PHF19: variants seen among roughly 807,000 people sequenced by gnomAD.
PHF19 encodes the protein polycomb like 3.
A neutral mutation model predicts 79.8 loss-of-function variants in PHF19; 21 were observed. The ratio of observed to expected loss-of-function variants is 0.26; its 90% confidence interval spans 0.19 to 0.38. The LOEUF is 0.38. Ranked by LOEUF, PHF19 falls within the 10% of genes least tolerant of loss-of-function variation. The pLI, the probability that PHF19 is intolerant of heterozygous loss-of-function variation, is 1.00. For missense variants in PHF19, 445 were observed against 744.2 expected (o/e 0.60, Z 4.68); for synonymous variants, 273 against 296.3 (o/e 0.92, Z 0.81).
At position 120,860,855 on chromosome 9, in the gene PHF19, G is replaced by C; in HGVS notation, c.1304+234C>G. On this transcript the variant is annotated intron_variant, in intron 13 of 14. Transcript: ENST00000373896. This position sits in a 1 kb window ranked among gnomAD's most constrained non-coding sequence, Gnocchi z 4.1. ...GAGCAATACGAGCAAAGATGAGCAA[G>C]CATCAAACAGCATGGTGAGTGTGGA... 2.1e-6 allele frequency: 1 copy of C among 485,846 alleles called. No homozygotes were observed. The highest frequency in any genetic ancestry group is 3.8e-6 in the Non-Finnish European group (1 of 263,628). The allele number at this position is 485,846 out of a possible 1,614,324, so 30.1% of individuals were successfully genotyped here. A position where few individuals can be genotyped will look rare whatever the true frequency, so the allele number is the denominator to read the frequency against.
intron 1 of PHF19, among the ~76,000 whole-genome samples, chr9:120,892,797 C>T (rs2046359733): frequency 6.6e-6 from 1 of 151,950 alleles, no homozygotes; most frequent in Admixed American, 6.6e-5. Context: ...TAAATAAGCC[C>T]ATAAAAATAG....
At chr9:120,864,252 C>A in intron 9 of PHF19, 136 bp from the exon 10 acceptor site, 1 of 702,956 alleles carries the variant, frequency 1.4e-6, no homozygotes, top group Non-Finnish European at 2.5e-6. Flanking sequence ...ACTCCAGGAT[C>A]TCAGAAAAGC....
In PHF19 at chr9:120,864,092, G is replaced by C. The variant is rs760607510; in HGVS notation, c.925C>G (p.Arg309Gly). ...GKLTSTPVTD[R>G]GPHLLNALNS... Reference sequence around the variant, plus strand: ...AGAGCGTTGAGGAGATGTGGTCCTCGATCTGTCACTGGGGTGCTGGTGAGC... The same window carrying C: ...AGAGCGTTGAGGAGATGTGGTCCTCCATCTGTCACTGGGGTGCTGGTGAGC... The change falls in exon 10 of 15, where the codon CGA becomes GGA. Residue 309 changes from arginine to glycine, a missense_variant. Arg to Gly is a moderately radical substitution (Grantham distance 125). Around this residue, in one of 5 missense-constraint regions of PHF19, gnomAD observed 167 missense variants for 375.8 expected, o/e 0.44. Transcript: ENST00000373896. 1 of 1,613,838 alleles carries C rather than the reference G, an allele frequency of 6.2e-7. No homozygotes were observed. The highest frequency in any genetic ancestry group is 8.5e-7 in the Non-Finnish European group (1 of 1,179,880).
chr9:120,876,362 T>A (rs2046051732), intron 1 of PHF19: 1 of 152,000 alleles, frequency 6.6e-6, no homozygotes. Context: ...GTTCACAAAC[T>A]GACACTTCCT....
intron 3 of PHF19, among the ~76,000 whole-genome samples, chr9:120,871,028 G>A (rs1363994639): frequency 6.6e-6 from 1 of 152,128 alleles, no homozygotes; most frequent in African/African-American, 2.4e-5. Flanking sequence ...TCAGCCTCCC[G>A]AGTAGCTGAG....
Position 120,862,528 on chromosome 9 carries a change from T to C in PHF19, c.1130+60A>G, listed in dbSNP as rs2045563343. ...CTGGGTGCAGGTCCTCCTTGCTTGC[T>C]TGGAAGCAGAGAAACCGAGTTTGGC... is the stretch of plus-strand genomic sequence containing the variant. On this transcript the variant is annotated intron_variant, in intron 11 of 14. Coordinates refer to ENST00000373896, the MANE Select transcript of PHF19 (RefSeq NM_015651.3). This position sits in a 1 kb window ranked among gnomAD's most constrained non-coding sequence, Gnocchi z 4.6. 2 of 1,520,852 alleles carry C rather than the reference T, an allele frequency of 1.3e-6. No homozygotes were observed. Among genetic ancestry groups the C allele is most frequent in the Admixed American group, 1.7e-5 (1 of 58,990 alleles). The allele number at this position is 1,520,852 out of a possible 1,614,324, so 94.2% of individuals were successfully genotyped here. A position where few individuals can be genotyped will look rare whatever the true frequency, so the allele number is the denominator to read the frequency against.
At position 120,865,692 on chromosome 9, in the gene PHF19, T is replaced by A; in HGVS notation, c.900+18A>T. The A allele has an allele frequency of 6.2e-7, 1 of 1,614,062 alleles. No homozygotes were observed. Among genetic ancestry groups the A allele is most frequent in the Non-Finnish European group, 8.5e-7 (1 of 1,179,930 alleles). On this transcript the variant is annotated intron_variant, in intron 9 of 14. Coordinates refer to ENST00000373896, the MANE Select transcript of PHF19 (RefSeq NM_015651.3). ...ACCTCTCTGCCTCCTGCCACTGACA[T>A]CCCACAACCCCACATACCTTGCCAA...
rs1342773000 is a variant in PHF19, at chr9:120,870,839, C to T, written c.269-301G>A. On this transcript the variant is annotated intron_variant, in intron 3 of 14. Transcript: ENST00000373896. The surrounding 1 kb of genome is among the most constrained non-coding windows in gnomAD (Gnocchi z 4.4). ...TTTTGACACATCATGCTGCCTCTCC[C>T]GCCTTATTTAACTTGTTTTGTTAAA... is the stretch of plus-strand genomic sequence containing the variant. 1.3e-5 allele frequency among the ~76,000 whole-genome samples: 2 copies of T among 152,190 alleles called. No individual in the cohort carries two copies. Among genetic ancestry groups the T allele is most frequent in the Admixed American group, 6.5e-5 (1 of 15,276 alleles).
chr9:120,860,796 G>C lies in PHF19; in HGVS notation c.1304+293C>G. On this transcript the variant is annotated intron_variant, in intron 13 of 14. Transcript: ENST00000373896. The surrounding 1 kb of genome is among the most constrained non-coding windows in gnomAD (Gnocchi z 4.1). ...AGCAGGGTCCTGAGTTTTCAGATGG[G>C]CTAGGGCAAGGCAAAGGGTATCTCA... 2.8e-6 allele frequency: 1 copy of C among 356,500 alleles called. No homozygotes were observed. Among genetic ancestry groups the C allele is most frequent in the Non-Finnish European group, 5.4e-6 (1 of 185,000 alleles). The allele number at this position is 356,500 out of a possible 1,614,324, so 22.1% of individuals were successfully genotyped here. A position where few individuals can be genotyped will look rare whatever the true frequency, so the allele number is the denominator to read the frequency against.
At chr9:120,868,933 C>T in intron 6 of PHF19, 1 of 744,294 alleles carries the variant, frequency 1.3e-6, no homozygotes, top group Non-Finnish European at 1.8e-6. Context: ...TCCGGGCCCA[C>T]CCCTCGAGGC....
At chr9:120,895,797 CA>C (rs1303524839), upstream of PHF19, among the ~76,000 whole-genome samples, 7 of 152,152 alleles carry the variant, frequency 4.6e-5, no homozygotes, top group African/African-American at 7.2e-5. Context: ...GGACTACAGG[CA>C]TGCACCACCA....
chr9:120,902,925 T>G, the PHF19 span: 1 of 152,366 alleles, frequency 6.6e-6, no homozygotes, highest in South Asian at 2.1e-4. Flanking sequence ...TGGCTGCATC[T>G]CATGCTCTTT....
chr9:120,882,089 G>A (rs115421299), upstream of PHF19, among the ~76,000 whole-genome samples: 609 of 152,316 alleles, frequency 4.0e-3, 4 homozygotes, highest in African/African-American at 0.013. Flanking sequence ...TTGTCACAGC[G>A]TGGTGAGCCA....
rs368117097 is a variant in PHF19, at chr9:120,861,074, G to A, written c.1304+15C>T. On this transcript the variant is annotated intron_variant, in intron 13 of 14. Coordinates refer to ENST00000373896, the MANE Select transcript of PHF19 (RefSeq NM_015651.3). Reference sequence around the variant, plus strand: ...TCTCCAGAGCAGACCTCTGTGCTAGGTCCCTCACTGATACCTTTTTAAACT... The same window carrying A: ...TCTCCAGAGCAGACCTCTGTGCTAGATCCCTCACTGATACCTTTTTAAACT... 43 of 1,451,468 alleles carry A rather than the reference G, an allele frequency of 3.0e-5. No homozygotes were observed. In the African/African-American group the frequency reaches 3.5e-4, roughly 12 times the overall value. 89.9% of individuals were successfully genotyped at this position (1,451,468 alleles called of 1,614,324 possible). A position where few individuals can be genotyped will look rare whatever the true frequency, so the allele number is the denominator to read the frequency against.
upstream of PHF19, among the ~76,000 whole-genome samples, chr9:120,896,576 C>G (rs530482060): frequency 6.6e-6 from 1 of 151,454 alleles, no homozygotes; most frequent in African/African-American, 2.4e-5. Context: ...CTCAGCCTCC[C>G]GTGTAGCTGG....
intron 1 of PHF19, among the ~76,000 whole-genome samples, chr9:120,887,705 T>G (rs913375742): frequency 1.3e-5 from 2 of 151,630 alleles, no homozygotes; most frequent in Non-Finnish European, 2.9e-5. Flanking sequence ...ATGGTATGCC[T>G]TATGATTTTT....
chr9:120,864,744 T>C (rs1224852208), intron 9 of PHF19, among the ~76,000 whole-genome samples: 3 of 151,948 alleles, frequency 2.0e-5, no homozygotes, highest in African/African-American at 4.8e-5. Flanking sequence ...GTATAATGTA[T>C]ACTAAAAAAA....
chr9:120,864,041 G>A lies in PHF19; in HGVS notation c.968+8C>T. 6.2e-7 allele frequency: 1 copy of A among 1,611,520 alleles called. No homozygotes were observed. Among genetic ancestry groups the A allele is most frequent in the South Asian group, 1.1e-5 (1 of 90,654 alleles). ...CCCCACCACACTCCCTCCCCTCCCT[G>A]CACGCACCGGCTTTTATAACTGTTC... On this transcript the variant is annotated splice_region_variant and intron_variant, in intron 10 of 14. Coordinates refer to ENST00000373896, the MANE Select transcript of PHF19 (RefSeq NM_015651.3).
chr9:120,876,950 C>A, intron 1 of PHF19, 141 bp downstream of exon 1: 1 of 984,122 alleles, frequency 1.0e-6, no homozygotes, highest in Non-Finnish European at 1.2e-6. Flanking sequence ...CGGTCCCCAC[C>A]CCCGAGAGCC....
Sources: allele counts gnomAD v4.1 joint callset (sites outside exome capture counted in the v4.1 genomes callset), GRCh38; gene constraint gnomAD v4.1.1; regional missense constraint gnomAD v4.1.1; non-coding constraint Gnocchi (gnomAD v3.1); transcripts MANE v1.5; gene names NCBI Gene and HGNC (gene_info 2026-07-23, HGNC 2026-07-21).